Variants in UBE2Z observed in about 807,000 individuals in gnomAD.
UBE2Z encodes ubiquitin-conjugating enzyme E2 Z.
Under a neutral mutation model 32.6 loss-of-function variants are expected in UBE2Z, and 10 were observed. The observed-to-expected ratio is 0.31, with a 90% CI of 0.19 to 0.52. The LOEUF (loss-of-function observed/expected upper bound fraction) is 0.52. Among genes scored for constraint, UBE2Z ranks in the 20% least tolerant of loss-of-function variants. The pLI is 0.97. For synonymous variants in UBE2Z, 183 were observed against 190.8 expected, an observed-to-expected ratio of 0.96 and a Z score of 0.34; for missense variants, 343 against 480.9, an observed-to-expected ratio of 0.71 and a Z score of 2.68.
Position 48,922,480 on chromosome 17 carries a change from G to A in UBE2Z, c.804-367G>A, listed in dbSNP as rs545180518. On this transcript the variant is annotated intron_variant, in intron 5 of 6. Transcript: ENST00000360943. ...GTATTTAATTTGGCATTAAGGTTAG[G>A]TAAAGAGGCCAGGTGTGGTGGCTTG... Among the ~76,000 whole-genome samples the A allele has an allele frequency of 5.3e-5, 8 of 152,232 alleles. No individual in the cohort carries two copies. In the South Asian group the frequency reaches 1.4e-3, roughly 28 times the overall value.
At chr17:48,913,078 C>A in intron 3 of UBE2Z, 57 bp downstream of exon 3, 1 of 1,545,426 alleles carries the variant, frequency 6.5e-7, no homozygotes, top group Non-Finnish European at 8.8e-7. Context: ...TACTCTAGGT[C>A]AGCCTTTATC....
intron 1 of UBE2Z, among the ~76,000 whole-genome samples, chr17:48,909,598 C>T (rs962953872): frequency 1.5e-5 from 2 of 137,542 alleles, no homozygotes; most frequent in Non-Finnish European, 3.0e-5. Flanking sequence ...AGCAAATATA[C>T]TCATCAAATA....
At chr17:48,917,728 C>G (rs2040730593) in intron 4 of UBE2Z, among the ~76,000 whole-genome samples, 1 of 152,130 alleles carries the variant, frequency 6.6e-6, no homozygotes, top group Non-Finnish European at 1.5e-5. Context: ...TGGTTATTCC[C>G]ATTTTCAAGT....
At chr17:48,918,970 C>T (rs1336612539) in intron 4 of UBE2Z, among the ~76,000 whole-genome samples, 1 of 152,138 alleles carries the variant, frequency 6.6e-6, no homozygotes, top group African/African-American at 2.4e-5. Context: ...TTGTCTTGAA[C>T]ATATGGCCTC....
chr17:48,925,126 T>TA (rs2040788966), intron 6 of UBE2Z, among the ~76,000 whole-genome samples: 1 of 151,662 alleles, frequency 6.6e-6, no homozygotes, highest in Non-Finnish European at 1.5e-5. Flanking sequence ...CTACTAAAAA[T>TA]ACAAAAATTA....
At chr17:48,913,135 T>A in intron 3 of UBE2Z, 114 bp downstream of exon 3, 1 of 1,057,438 alleles carries the variant, frequency 9.5e-7, no homozygotes, top group Non-Finnish European at 1.4e-6. Flanking sequence ...AATGATTGAG[T>A]GACTCTTCTC....
chr17:48,925,317 A>G (rs1216283260), intron 6 of UBE2Z, among the ~76,000 whole-genome samples: 1 of 150,430 alleles, frequency 6.6e-6, no homozygotes, highest in Non-Finnish European at 1.5e-5. Flanking sequence ...AAGAAATGGG[A>G]GACTTGGATA....
intron 3 of UBE2Z, 120 bp downstream of exon 3, chr17:48,913,141 T>A (rs2040692295): frequency 1.0e-6 from 1 of 980,986 alleles, no homozygotes; most frequent in East Asian, 2.6e-5. Flanking sequence ...TGAGTGACTC[T>A]TCTCAAATCT....
intron 4 of UBE2Z, among the ~76,000 whole-genome samples, chr17:48,920,536 G>A (rs148948361): frequency 6.6e-6 from 1 of 151,904 alleles, no homozygotes; most frequent in East Asian, 2.0e-4. Flanking sequence ...GGCCCACCAT[G>A]GTGACGAATG....
chr17:48,917,846 G>A (rs956619878), intron 4 of UBE2Z, among the ~76,000 whole-genome samples: 2 of 152,156 alleles, frequency 1.3e-5, no homozygotes, highest in African/African-American at 4.8e-5. Flanking sequence ...CTTCCGATGT[G>A]CCTTCCTGAA....
Position 48,928,008 on chromosome 17 carries a change from T to C in UBE2Z, c.*874T>C, listed in dbSNP as rs2040808912. Reference sequence around the variant, plus strand: ...ATAGTCTCTTACAGATTTTCATAAATACTAGTCACAATAAGGGTATTTTTC... The same window carrying C: ...ATAGTCTCTTACAGATTTTCATAAACACTAGTCACAATAAGGGTATTTTTC... On this transcript the variant is annotated 3_prime_UTR_variant, in exon 7 of 7. Coordinates refer to ENST00000360943, the MANE Select transcript of UBE2Z (RefSeq NM_023079.5). 6.6e-6 allele frequency: 1 copy of C among 152,312 alleles called. No homozygotes were observed. Among genetic ancestry groups the C allele is most frequent in the African/African-American group, 2.4e-5 (1 of 41,444 alleles). The allele number at this position is 152,312 out of a possible 1,614,324, so 9.4% of individuals were successfully genotyped here.
At position 48,927,559 on chromosome 17, in the gene UBE2Z, CACTT is replaced by C. The variant is rs1303236357; in HGVS notation, c.*427_*430del. On this transcript the variant is annotated 3_prime_UTR_variant, in exon 7 of 7. Coordinates refer to ENST00000360943, the MANE Select transcript of UBE2Z (RefSeq NM_023079.5). ...AGCTTGGGGTGGGGGCTGTCTGTGA[CACTT>C]AAGCAGTCTGGGTGGTTGTCTATTT... 6.1e-6 allele frequency: 1 copy of C among 164,330 alleles called. No individual in the cohort carries two copies. Among genetic ancestry groups the C allele is most frequent in the African/African-American group, 2.4e-5 (1 of 42,022 alleles). The allele number at this position is 164,330 out of a possible 1,614,324, so 10.2% of individuals were successfully genotyped here.
At chr17:48,925,823 A>C (rs903171645) in intron 6 of UBE2Z, among the ~76,000 whole-genome samples, 3 of 152,320 alleles carry the variant, frequency 2.0e-5, no homozygotes, top group Admixed American at 6.5e-5. Flanking sequence ...CTGTAGTCCC[A>C]GTGACAGTGA....
chr17:48,927,018 C>G lies in UBE2Z; in HGVS notation c.949C>G (p.Leu317Val). The G allele has an allele frequency of 6.2e-7, 1 of 1,613,714 alleles. No homozygotes were observed. The highest frequency in any genetic ancestry group is 8.5e-7 in the Non-Finnish European group (1 of 1,179,818). The change falls in exon 7 of 7, where the codon CTG (leucine) becomes GTG (valine). Residue 317 changes from leucine (L) to valine (V), a missense_variant. Leu to Val is a conservative substitution (Grantham distance 32). Transcript: ENST00000360943. ...HFDYQSLLMR[L>V]GLIRQKVLER... ...TGACTACCAGTCCCTCTTGATGCGC[C>G]TGGGACTGATACGTCAGAAAGTGCT...
chr17:48,927,239 T>A lies in UBE2Z; in HGVS notation c.*105T>A. On this transcript the variant is annotated 3_prime_UTR_variant, in exon 7 of 7. Coordinates refer to ENST00000360943, the MANE Select transcript of UBE2Z (RefSeq NM_023079.5). ...TGTGTATCTCCCTCCAGACTCGAAG[T>A]CATCCTGCAAGATGGCAAGAACCAA... 1 of 1,258,324 alleles carries A rather than the reference T, an allele frequency of 7.9e-7. No homozygotes were observed. Among genetic ancestry groups the A allele is most frequent in the Non-Finnish European group, 1.1e-6 (1 of 909,936 alleles). 77.9% of individuals were successfully genotyped at this position (1,258,324 alleles called of 1,614,324 possible).
chr17:48,925,028 A>G (rs933771396), intron 6 of UBE2Z, among the ~76,000 whole-genome samples: 4 of 151,802 alleles, frequency 2.6e-5, no homozygotes, highest in Non-Finnish European at 4.4e-5. Flanking sequence ...CATGCCTGTG[A>G]TCCCAGTACT....
At chr17:48,924,818 C>G (rs1005169222) in intron 6 of UBE2Z, among the ~76,000 whole-genome samples, 5 of 134,154 alleles carry the variant, frequency 3.7e-5, no homozygotes, top group African/African-American at 1.4e-4. Context: ...TGCACTCCAG[C>G]CTGGGCAACA....
In UBE2Z at chr17:48,908,836, T is replaced by C; in HGVS notation, c.317+16T>C. 1 of 1,479,432 alleles carries C rather than the reference T, an allele frequency of 6.8e-7. No individual in the cohort carries two copies. Among genetic ancestry groups the C allele is most frequent in the Non-Finnish European group, 8.9e-7 (1 of 1,118,170 alleles). 91.6% of individuals were successfully genotyped at this position (1,479,432 alleles called of 1,614,324 possible). On this transcript the variant is annotated intron_variant, in intron 1 of 6. Coordinates refer to ENST00000360943, the MANE Select transcript of UBE2Z (RefSeq NM_023079.5). ...GGATCAAGCGGTGAGCCGGGGTTTT[T>C]CCTCCCCCAGCCCCGAGCTCCGGGG... is the stretch of plus-strand genomic sequence containing the variant.
chr17:48,916,960 G>A (rs993334679), intron 4 of UBE2Z, among the ~76,000 whole-genome samples: 1 of 151,608 alleles, frequency 6.6e-6, no homozygotes, highest in African/African-American at 2.4e-5. Flanking sequence ...CTGAGATCAC[G>A]CCATTACACT....
Sources: allele counts gnomAD v4.1 joint callset (sites outside exome capture counted in the v4.1 genomes callset), GRCh38; gene constraint gnomAD v4.1.1; transcripts MANE v1.5; gene names NCBI Gene and HGNC (gene_info 2026-07-23, HGNC 2026-07-21).